Variants in ZPBP observed in about 807,000 individuals in gnomAD.
The protein encoded by ZPBP is zona pellucida binding protein.
Under a neutral mutation model 44.8 loss-of-function variants are expected in ZPBP, and 26 were observed. The ratio of observed to expected loss-of-function variants is 0.58; its 90% CI spans 0.43 to 0.81. ZPBP has a LOEUF of 0.81. Ranked by LOEUF, ZPBP falls within the 30% of genes least tolerant of loss-of-function variation. The pLI is 0.00. For synonymous variants in ZPBP, 174 were observed against 153.2 expected (o/e 1.14, Z -1.00); for missense variants, 409 against 434.0 (o/e 0.94, Z 0.51).
intron 2 of ZPBP, among the ~76,000 whole-genome samples, chr7:49,888,772 G>A (rs574503156): frequency 6.6e-6 from 1 of 152,162 alleles, no homozygotes; most frequent in Admixed American, 6.5e-5. Context: ...TTAGCCAGGC[G>A]TGGTGGCAGG....
At chr7:49,882,558 C>T (rs1454085087) in intron 2 of ZPBP, among the ~76,000 whole-genome samples, 1 of 151,760 alleles carries the variant, frequency 6.6e-6, no homozygotes, top group African/African-American at 2.4e-5. Flanking sequence ...CAGAGAGAGA[C>T]ACACAGGGAG....
At chr7:50,091,408 A>G (rs1802986780) in intron 1 of ZPBP, among the ~76,000 whole-genome samples, 1 of 152,092 alleles carries the variant, frequency 6.6e-6, no homozygotes, top group Admixed American at 6.6e-5. Flanking sequence ...CTTTGCCTAA[A>G]TGGTGCTGGG....
chr7:49,933,347 T>C (rs1462276929), downstream of ZPBP, among the ~76,000 whole-genome samples: 1 of 152,200 alleles, frequency 6.6e-6, no homozygotes, highest in East Asian at 1.9e-4. Context: ...ACTGTATCAA[T>C]TAGAATATTT....
chr7:49,936,189 T>A (rs1794614783), downstream of ZPBP: 1 of 152,160 alleles, frequency 6.6e-6, no homozygotes, highest in African/African-American at 2.4e-5. Context: ...GAATAGTAAC[T>A]CACCCGAACA....
At chr7:50,080,265 A>G (rs1233779465) in intron 3 of ZPBP, among the ~76,000 whole-genome samples, 1 of 151,736 alleles carries the variant, frequency 6.6e-6, no homozygotes, top group African/African-American at 2.4e-5. Flanking sequence ...GACCTATGAT[A>G]AAATACTGTA....
chr7:49,864,952 C>G (rs1001202432), intron 2 of ZPBP, among the ~76,000 whole-genome samples: 1 of 152,126 alleles, frequency 6.6e-6, no homozygotes, highest in Non-Finnish European at 1.5e-5. Context: ...CTGACAGTTC[C>G]TGTTTGTTTT....
intron 1 of ZPBP, among the ~76,000 whole-genome samples, chr7:49,902,187 G>A (rs141251401): frequency 6.6e-6 from 1 of 151,720 alleles, no homozygotes; most frequent in Non-Finnish European, 1.5e-5. Context: ...TTGATGGGCT[G>A]GCCTCCATTA....
chr7:49,847,212 T>TTATAA (rs200959078), downstream of ZPBP, among the ~76,000 whole-genome samples: 280 of 149,010 alleles, frequency 1.9e-3, 2 homozygotes, highest in South Asian at 9.6e-3. Flanking sequence ...TGTGAACCTA[T>TTATAA]TATAATATAA....
chr7:50,047,021 C>A (rs565205342), intron 4 of ZPBP, among the ~76,000 whole-genome samples: 1 of 152,232 alleles, frequency 6.6e-6, no homozygotes, highest in Admixed American at 6.5e-5. Context: ...TGGAAAACAC[C>A]ATTTTCAGCA....
intron 7 of ZPBP, among the ~76,000 whole-genome samples, chr7:49,946,929 C>A (rs371943772): frequency 6.6e-6 from 1 of 152,084 alleles, no homozygotes; most frequent in Non-Finnish European, 1.5e-5. Context: ...AATAGCCTAC[C>A]TTGAAGCTCA....
chr7:50,011,028 G>C (rs1798550558), intron 6 of ZPBP, among the ~76,000 whole-genome samples: 1 of 151,594 alleles, frequency 6.6e-6, no homozygotes, highest in South Asian at 2.1e-4. Context: ...GCAGACCAAT[G>C]GAACAGAATA....
At chr7:49,951,981 A>G (rs934904931) in intron 7 of ZPBP, among the ~76,000 whole-genome samples, 2 of 151,998 alleles carry the variant, frequency 1.3e-5, no homozygotes, top group Non-Finnish European at 3.0e-5. Flanking sequence ...AATAATACAT[A>G]TTGTTTTATT....
chr7:49,852,657 C>G (rs561482962), intron 2 of ZPBP, among the ~76,000 whole-genome samples: 1 of 152,124 alleles, frequency 6.6e-6, no homozygotes, highest in East Asian at 1.9e-4. Flanking sequence ...CTCCCCTCTT[C>G]AGAAAGAGCC....
At chr7:49,902,869 G>A (rs1792846346) in intron 1 of ZPBP, among the ~76,000 whole-genome samples, 1 of 152,060 alleles carries the variant, frequency 6.6e-6, no homozygotes, top group Non-Finnish European at 1.5e-5. Context: ...TAAACCACAT[G>A]TCTGATAAAG....
At chr7:49,936,251 T>A (rs1226983568), downstream of ZPBP, 2 of 152,138 alleles carry the variant, frequency 1.3e-5, no homozygotes, top group African/African-American at 2.4e-5. Context: ...TTGAAAAACA[T>A]CTCTAAACCG....
At chr7:49,934,829 A>G (rs554373518), downstream of ZPBP, among the ~76,000 whole-genome samples, 1 of 152,284 alleles carries the variant, frequency 6.6e-6, no homozygotes, top group South Asian at 2.1e-4. Context: ...CATCTTACAT[A>G]TTTATAATAA....
chr7:49,959,157 AAG>A (rs1795738191), intron 7 of ZPBP, among the ~76,000 whole-genome samples: 1 of 151,914 alleles, frequency 6.6e-6, no homozygotes, highest in African/African-American at 2.4e-5. Flanking sequence ...TTAAAAGTGA[AAG>A]AGTTATTGCT....
At chr7:49,943,920 C>A in intron 7 of ZPBP, 1 of 320,080 alleles carries the variant, frequency 3.1e-6, no homozygotes, top group South Asian at 3.2e-5. Flanking sequence ...AGAAACTGGT[C>A]TAGCTCTCAG....
chr7:49,840,686 A>G, the ZPBP span, among the ~76,000 whole-genome samples: 1 of 152,198 alleles, frequency 6.6e-6, no homozygotes, highest in Non-Finnish European at 1.5e-5. Flanking sequence ...GCTTCAGTGC[A>G]GCTTCAAAAG....
Sources: allele counts gnomAD v4.1 joint callset (sites outside exome capture counted in the v4.1 genomes callset), GRCh38; gene constraint gnomAD v4.1.1; transcripts MANE v1.5; gene names NCBI Gene and HGNC (gene_info 2026-07-23, HGNC 2026-07-21).